ZBTB20: variants seen among roughly 807,000 people sequenced by gnomAD.
ZBTB20 encodes the protein zinc finger and BTB domain-containing protein 20.
Under a neutral mutation model 56.9 loss-of-function variants are expected in ZBTB20, and 9 were observed. That is an observed-to-expected ratio of 0.16 (90% CI 0.10 to 0.28). ZBTB20 has a LOEUF of 0.28. Among genes scored for constraint, ZBTB20 ranks in the 10% least tolerant of loss-of-function variants. The pLI is 1.00. For synonymous variants in ZBTB20, 417 were observed against 420.7 expected (o/e 0.99, Z 0.11); for missense variants, 655 against 1,003.0 (o/e 0.65, Z 4.69).
chr3:114,669,930 A>G (rs1253536515), intron 6 of ZBTB20, among the ~76,000 whole-genome samples: 2 of 152,110 alleles, frequency 1.3e-5, no homozygotes, highest in East Asian at 3.9e-4. Flanking sequence ...ACTGTTAAAG[A>G]ATGTCAATTA....
chr3:114,595,051 T>C (rs2056190644), intron 6 of ZBTB20, among the ~76,000 whole-genome samples: 1 of 152,234 alleles, frequency 6.6e-6, no homozygotes. Context: ...TCAACCTTCA[T>C]GCTTCTTTTT....
chr3:114,692,029 G>C (rs2062726723), intron 6 of ZBTB20, among the ~76,000 whole-genome samples: 1 of 152,078 alleles, frequency 6.6e-6, no homozygotes, highest in Admixed American at 6.6e-5. Flanking sequence ...CACAGGAAAA[G>C]AAACGTCAAT....
chr3:114,914,146 A>G (rs1237318586), intron 3 of ZBTB20, among the ~76,000 whole-genome samples: 1 of 152,072 alleles, frequency 6.6e-6, no homozygotes, highest in African/African-American at 2.4e-5. Context: ...GATTACATTG[A>G]ATCTGTAGAC....
intron 5 of ZBTB20, among the ~76,000 whole-genome samples, chr3:114,777,397 G>A (rs1338389848): frequency 4.6e-5 from 7 of 152,044 alleles, no homozygotes; most frequent in South Asian, 4.1e-4. Context: ...CCAGCTACTC[G>A]GGAGGCTGAG....
intron 6 of ZBTB20, among the ~76,000 whole-genome samples, chr3:114,502,013 A>G (rs547591270): frequency 1.3e-5 from 2 of 152,244 alleles, no homozygotes; most frequent in Admixed American, 1.3e-4. Flanking sequence ...CAGACCCATC[A>G]GTGTTTTGAT....
chr3:114,661,535 A>G (rs548047890), intron 6 of ZBTB20, among the ~76,000 whole-genome samples: 1 of 152,142 alleles, frequency 6.6e-6, no homozygotes, highest in Admixed American at 6.5e-5. Context: ...CTTTTCGAAC[A>G]TGTCATTTGC....
rs906306960 is a variant in ZBTB20 at position 114,660,303 on chromosome 3, C to A, written c.-295+33225G>T. ...CAGTGCATTTTCACATTCTCAAAGT[C>A]TGCAGTTGTTTTTATATAAGAAGCA... On this transcript the variant is annotated intron_variant, in intron 6 of 11. Coordinates refer to ENST00000675478, the MANE Select transcript of ZBTB20 (RefSeq NM_001348800.3). Among the ~76,000 whole-genome samples the A allele has an allele frequency of 5.9e-5, 9 of 152,146 alleles. 1 individual carries two copies. The highest frequency in any genetic ancestry group is 2.2e-4 in the African/African-American group (9 of 41,430).
chr3:114,533,463 C>A (rs1436814758), intron 6 of ZBTB20, among the ~76,000 whole-genome samples: 1 of 151,942 alleles, frequency 6.6e-6, no homozygotes, highest in Non-Finnish European at 1.5e-5. Context: ...AAGGAATGAA[C>A]AAACCTCCAA....
At position 114,363,937 on chromosome 3, in the gene ZBTB20, A is replaced by G. The variant is rs1045517537; in HGVS notation, c.200-12059T>C. Among the ~76,000 whole-genome samples the G allele has an allele frequency of 1.4e-4, 21 of 152,170 alleles. No homozygotes were observed. The East Asian group carries it at 3.8e-3, about 28-fold the overall frequency. Reference sequence around the variant, plus strand: ...TCGCTGATGAGGTTCTTCCCTTGCAAAAAGAAATTTCAGCCTTCCTCCAAT... The same window carrying G: ...TCGCTGATGAGGTTCTTCCCTTGCAGAAAGAAATTTCAGCCTTCCTCCAAT... On this transcript the variant is annotated intron_variant, in intron 10 of 11. Transcript: ENST00000675478.
intron 6 of ZBTB20, among the ~76,000 whole-genome samples, chr3:114,655,269 G>A (rs1183592550): frequency 9.0e-5 from 5 of 55,418 alleles, no homozygotes; most frequent in African/African-American, 1.2e-4. Context: ...TTTTTGAGAC[G>A]GAGTCTCGCT....
chr3:114,473,369 A>C (rs769306118), intron 7 of ZBTB20, among the ~76,000 whole-genome samples: 2 of 152,234 alleles, frequency 1.3e-5, no homozygotes, highest in Non-Finnish European at 2.9e-5. Context: ...TTTGAAAGTA[A>C]GTTTGCATTT....
chr3:114,476,591 A>G (rs1179233677), intron 7 of ZBTB20, among the ~76,000 whole-genome samples: 1 of 152,192 alleles, frequency 6.6e-6, no homozygotes, highest in Non-Finnish European at 1.5e-5. Context: ...AAAGCCAGAG[A>G]GCAAGAAGGA....
At chr3:114,506,960 C>T (rs893250279) in intron 6 of ZBTB20, among the ~76,000 whole-genome samples, 10 of 152,178 alleles carry the variant, frequency 6.6e-5, no homozygotes, top group African/African-American at 2.4e-4. Flanking sequence ...GTGTGTGAAA[C>T]ACAGCACGAC....
chr3:114,753,372 A>ATAT lies in ZBTB20; in HGVS notation c.-343+47728_-343+47729insATA, dbSNP rs1560209551. 6.6e-5 allele frequency among the ~76,000 whole-genome samples: 3 copies of ATAT among 45,426 alleles called. 1 individual carries two copies. The highest frequency in any genetic ancestry group is 1.6e-4 in the Non-Finnish European group (3 of 18,676). The allele number at this position is 45,426 out of a possible 152,430, so 29.8% of individuals were successfully genotyped here. On this transcript the variant is annotated intron_variant, in intron 5 of 11. Coordinates refer to ENST00000675478, the MANE Select transcript of ZBTB20 (RefSeq NM_001348800.3). ...TATACATTATATATAATGTATATAT[A>ATAT]ATGTATATACACATACATGTATGTA...
intron 1 of ZBTB20, among the ~76,000 whole-genome samples, chr3:115,115,226 G>A (rs2083986362): frequency 6.6e-6 from 1 of 152,004 alleles, no homozygotes; most frequent in African/African-American, 2.4e-5. Flanking sequence ...AAGACTGAAG[G>A]GATTTCATGT....
At chr3:114,988,607 T>C (rs1347973483) in intron 2 of ZBTB20, among the ~76,000 whole-genome samples, 2 of 152,150 alleles carry the variant, frequency 1.3e-5, no homozygotes, top group African/African-American at 2.4e-5. Context: ...ATCCTTTGGG[T>C]ATATACTCAG....
At chr3:114,594,096 G>A (rs1221773597) in intron 6 of ZBTB20, among the ~76,000 whole-genome samples, 1 of 152,136 alleles carries the variant, frequency 6.6e-6, no homozygotes, top group African/African-American at 2.4e-5. Flanking sequence ...AAAGAAAGCT[G>A]AGGAAGTTGC....
chr3:114,994,437 A>G (rs1047546845), intron 2 of ZBTB20, among the ~76,000 whole-genome samples: 1 of 151,884 alleles, frequency 6.6e-6, no homozygotes, highest in African/African-American at 2.4e-5. Context: ...CTGTCTTCTT[A>G]CTTTTTTCTC....
intron 3 of ZBTB20, among the ~76,000 whole-genome samples, chr3:114,971,054 A>G (rs1216882111): frequency 6.6e-6 from 1 of 152,168 alleles, no homozygotes; most frequent in African/African-American, 2.4e-5. Context: ...AGGTGCTACC[A>G]AGTCATTTAG....
Sources: gnomAD v4.1 joint callset for allele counts (sites outside exome capture counted in the v4.1 genomes callset) on GRCh38, gnomAD v4.1.1 for gene constraint, MANE v1.5 for transcripts, NCBI Gene and HGNC (gene_info 2026-07-23, HGNC 2026-07-21) for gene names.